Variants in APOL4 observed in about 807,000 individuals in gnomAD.
APOL4 encodes the protein apolipoprotein L, 4.
In APOL4, 14 loss-of-function variants were observed where a neutral mutation model predicts 12.1. The observed-to-expected ratio is 1.16, with a 90% CI of 0.76 to 1.81. The LOEUF (loss-of-function observed/expected upper bound fraction) is 1.81. Ranked by LOEUF, APOL4 falls within the 40% of genes most tolerant of loss-of-function variation. APOL4 has a pLI of 0.00. For synonymous variants in APOL4, 171 were observed against 160.6 expected (o/e 1.06, Z -0.49); for missense variants, 432 against 423.1 (o/e 1.02, Z -0.18).
chr22:36,198,239 CT>C (rs1409751127), intron 2 of APOL4, among the ~76,000 whole-genome samples: 2 of 152,242 alleles, frequency 1.3e-5, no homozygotes, highest in Non-Finnish European at 2.9e-5. Context: ...CCGGTCTCAC[CT>C]GCATTCAGAG....
At chr22:36,195,469 G>A in intron 2 of APOL4, 32 bp from the exon 3 acceptor site, 1 of 1,606,914 alleles carries the variant, frequency 6.2e-7, no homozygotes, top group Non-Finnish European at 8.5e-7. Context: ...AAGATTGGAA[G>A]AAAGTTTGCT....
At chr22:36,204,214 C>T (rs2014665070), upstream of APOL4, among the ~76,000 whole-genome samples, 1 of 152,198 alleles carries the variant, frequency 6.6e-6, no homozygotes, top group Non-Finnish European at 1.5e-5. Context: ...CCGGGGCCAG[C>T]CTGGTTGTGG....
chr22:36,202,416 T>A (rs1436337758), upstream of APOL4, among the ~76,000 whole-genome samples: 2 of 152,188 alleles, frequency 1.3e-5, no homozygotes, highest in Non-Finnish European at 2.9e-5. Context: ...TCTATCTTGA[T>A]GGGCATCTCT....
upstream of APOL4, chr22:36,201,961 C>G (rs372028840): frequency 3.8e-5 from 62 of 1,613,870 alleles, no homozygotes; most frequent in African/African-American, 8.0e-5. Flanking sequence ...GGGAGCCCTC[C>G]CTCCCACCTC....
rs564621827 is a variant in APOL4 at position 36,194,706 on chromosome 22, T to C, written c.209+605A>G. On this transcript the variant is annotated intron_variant, in intron 3 of 3. Transcript: ENST00000683024. ...AGAGCCAGGATCCACCCCAGCTCTG[T>C]CCAACTCCATTCCAGCCTCTCTGTG... Among the ~76,000 whole-genome samples the C allele has an allele frequency of 3.3e-5, 5 of 152,244 alleles. No individual in the cohort carries two copies. The South Asian group carries it at 1.0e-3, about 32-fold the overall frequency.
Position 36,199,314 on chromosome 22 carries a change from T to G in APOL4, c.82+16A>C. 1 of 1,614,102 alleles carries G rather than the reference T, an allele frequency of 6.2e-7. No individual in the cohort carries two copies. The highest frequency in any genetic ancestry group is 8.5e-7 in the Non-Finnish European group (1 of 1,179,972). On this transcript the variant is annotated intron_variant, in intron 2 of 3. Transcript: ENST00000683024. Reference sequence around the variant, plus strand: ...GGAGGCGAGCCTACCAGCAGCCAGGTCTCTGAAAGGCTTACCTTGGAACTG... The same window carrying G: ...GGAGGCGAGCCTACCAGCAGCCAGGGCTCTGAAAGGCTTACCTTGGAACTG...
At position 36,191,312 on chromosome 22, in the gene APOL4, C is replaced by A; in HGVS notation, c.810G>T (p.Glu270Asp). ...TGGGGGCCCCACGTGTTCTCAGTGT[C>A]TCAACAACATTTATAGGTACATATC... ...AWRYVPINVVETLRTRGAPTR... is the reference protein window; with the variant it reads ...AWRYVPINVVDTLRTRGAPTR... Residue 270 changes from glutamate (E) to aspartate (D), a missense_variant, in exon 4 of 4, where the codon GAG becomes GAT. Glu to Asp is a conservative substitution (Grantham distance 45, BLOSUM62 2). Coordinates refer to ENST00000683024, the MANE Select transcript of APOL4 (RefSeq NM_001386885.1). The A allele has an allele frequency of 6.2e-7, 1 of 1,614,050 alleles. No homozygotes were observed. The highest frequency in any genetic ancestry group is 8.5e-7 in the Non-Finnish European group (1 of 1,179,898).
At position 36,191,920 on chromosome 22, in the gene APOL4, A is replaced by G; in HGVS notation, c.210-8T>C. 5.1e-6 allele frequency: 8 copies of G among 1,568,470 alleles called. No homozygotes were observed. The highest frequency in any genetic ancestry group is 6.9e-6 in the Non-Finnish European group (8 of 1,162,850). ...AGAGCATCTGCCTCTTCCCTGTACCAATAAAGGACAGATGATTAAGAAAGG... is the reference window on the plus strand; with the variant it reads ...AGAGCATCTGCCTCTTCCCTGTACCGATAAAGGACAGATGATTAAGAAAGG... On this transcript the variant is annotated splice_region_variant and splice_polypyrimidine_tract_variant and intron_variant, in intron 3 of 3. Transcript: ENST00000683024.
intron 1 of APOL4, among the ~76,000 whole-genome samples, chr22:36,199,891 G>A (rs939919008): frequency 2.0e-5 from 3 of 152,008 alleles, no homozygotes; most frequent in East Asian, 1.9e-4. Context: ...CACTGCAAGC[G>A]CCGCCTCCCA....
In APOL4 at chr22:36,195,967, C is replaced by T. The variant is rs113671815; in HGVS notation, c.83-530G>A. On this transcript the variant is annotated intron_variant, in intron 2 of 3. Transcript: ENST00000683024. ...AAAATACGTCAGTTGTTGAAGCCAC[C>T]CAGCTTGTGGCATTTTACTAAGGCA... Among the ~76,000 whole-genome samples the T allele has an allele frequency of 7.0e-3, 1,064 of 152,266 alleles. 13 individuals are homozygous for T. The highest frequency in any genetic ancestry group is 0.024 in the African/African-American group (1,014 of 41,544).
At position 36,195,774 on chromosome 22, in the gene APOL4, TCTCACACA is replaced by T. The variant is rs1460699016; in HGVS notation, c.83-345_83-338del. 3.0e-3 allele frequency among the ~76,000 whole-genome samples: 197 copies of T among 65,954 alleles called. No individual in the cohort carries two copies. In the East Asian group the frequency reaches 0.13, roughly 42 times the overall value. The allele number at this position is 65,954 out of a possible 152,430, so 43.3% of individuals were successfully genotyped here. ...CTCTCTCTCTCTCTCTCTCTCTCTC[TCTCACACA>T]CACACACACACACACACACACACAC... On this transcript the variant is annotated intron_variant, in intron 2 of 3. Coordinates refer to ENST00000683024, the MANE Select transcript of APOL4 (RefSeq NM_001386885.1).
chr22:36,198,268 G>A (rs998806614), intron 2 of APOL4, among the ~76,000 whole-genome samples: 4 of 152,120 alleles, frequency 2.6e-5, no homozygotes, highest in Non-Finnish European at 2.9e-5. Flanking sequence ...TAAACCCACC[G>A]GCATCAACAT....
Position 36,195,417 on chromosome 22 carries a change from C to A in APOL4, c.103G>T (p.Glu35Ter), listed in dbSNP as rs1273296421. ...TTCTTCTGGAAGTATTCAATGACTT[C>A]TTCAGTGAAGCGTTTCTTTTCTAGT... ...QFQEKKRFTE[E>*]VIEYFQKKVS... The change falls in exon 3 of 4, where the codon GAA becomes TAA. Residue 35 changes from glutamate (E) to a stop codon, truncating the protein, a stop_gained. Transcript: ENST00000683024. LOFTEE classifies it high-confidence loss of function. The A allele has an allele frequency of 6.2e-7, 1 of 1,613,468 alleles. No homozygotes were observed. The highest frequency in any genetic ancestry group is 1.7e-5 in the Admixed American group (1 of 59,896).
In APOL4 at chr22:36,197,448, G is replaced by A. The variant is rs1047636739; in HGVS notation, c.82+1882C>T. On this transcript the variant is annotated intron_variant, in intron 2 of 3. Coordinates refer to ENST00000683024, the MANE Select transcript of APOL4 (RefSeq NM_001386885.1). ...GGAAGGAAACTCAGGGTTGGATGGA[G>A]GGAACCTCCAGCACTAAATTTGTGT... 6 of 731,504 alleles carry A rather than the reference G, an allele frequency of 8.2e-6. No homozygotes were observed. The South Asian group carries it at 1.5e-4, about 19-fold the overall frequency. The allele number at this position is 731,504 out of a possible 1,614,324, so 45.3% of individuals were successfully genotyped here. A position where few individuals can be genotyped will look rare whatever the true frequency, so the allele number is the denominator to read the frequency against.
In APOL4 at chr22:36,199,436, G is replaced by A. The variant is rs367559655; in HGVS notation, c.36-60C>T. On this transcript the variant is annotated intron_variant, in intron 1 of 3. Coordinates refer to ENST00000683024, the MANE Select transcript of APOL4 (RefSeq NM_001386885.1). ...GTGAGCCACCTATGGGCAAAGGGAG[G>A]CTTGAACAGCTGGGCCTCTGCAGAT... 1.1e-5 allele frequency: 17 copies of A among 1,613,302 alleles called. No homozygotes were observed. The African/African-American group carries it at 2.3e-4, about 22-fold the overall frequency.
Position 36,190,994 on chromosome 22 carries a change from A to G in APOL4, c.*81T>C, listed in dbSNP as rs2014225001. The G allele has an allele frequency of 4.8e-6, 6 of 1,242,652 alleles. No individual in the cohort carries two copies. Among genetic ancestry groups the G allele is most frequent in the Non-Finnish European group, 6.6e-6 (6 of 906,382 alleles). The allele number at this position is 1,242,652 out of a possible 1,614,324, so 77.0% of individuals were successfully genotyped here. On this transcript the variant is annotated 3_prime_UTR_variant, in exon 4 of 4. Coordinates refer to ENST00000683024, the MANE Select transcript of APOL4 (RefSeq NM_001386885.1). ...TGGGGAACTAATAAATGTCCATGAAATCTTCACAATCCACGTTCTTCTGCC... is the reference window on the plus strand; with the variant it reads ...TGGGGAACTAATAAATGTCCATGAAGTCTTCACAATCCACGTTCTTCTGCC...
intron 2 of APOL4, among the ~76,000 whole-genome samples, 189 bp downstream of exon 2, chr22:36,199,141 G>A (rs1237620407): frequency 6.6e-6 from 1 of 152,226 alleles, no homozygotes; most frequent in African/African-American, 2.4e-5. Flanking sequence ...ATGCCCCCCA[G>A]AACCCTGGGT....
upstream of APOL4, among the ~76,000 whole-genome samples, chr22:36,204,074 C>G (rs560979794): frequency 2.8e-3 from 429 of 152,268 alleles, 3 homozygotes; most frequent in African/African-American, 1.0e-2. Context: ...TCACTCCCCT[C>G]CCAGGGCCTC....
intron 2 of APOL4, chr22:36,197,583 C>T (rs2014447427): frequency 1.4e-6 from 2 of 1,399,570 alleles, no homozygotes; most frequent in East Asian, 5.2e-5. Flanking sequence ...ACAGCTGTAA[C>T]CCCCCATGAA....
Sources: gnomAD v4.1 joint callset for allele counts (sites outside exome capture counted in the v4.1 genomes callset) on GRCh38, gnomAD v4.1.1 for gene constraint, MANE v1.5 for transcripts, NCBI Gene and HGNC (gene_info 2026-07-23, HGNC 2026-07-21) for gene names.